Variants in CSMD1 observed in about 807,000 individuals in gnomAD.
The protein encoded by CSMD1 is CUB and sushi domain-containing protein 1.
A neutral mutation model predicts 417.5 loss-of-function variants in CSMD1; 213 were observed. That is an observed-to-expected ratio of 0.51 (90% confidence interval 0.46 to 0.57). The LOEUF (loss-of-function observed/expected upper bound fraction) is 0.57, where lower values mean the gene tolerates loss of function less well. Among genes scored for constraint, CSMD1 ranks in the 20% least tolerant of loss-of-function variants. The probability of loss-of-function intolerance (pLI) is 0.00; values close to 1 mark genes in which losing one functional copy is unlikely to be tolerated. For missense variants in CSMD1, 6,923 were observed against 4,529.7 expected (o/e 1.53, Z -15.17); for synonymous variants, 2,862 against 1,736.8 (o/e 1.65, Z -16.11).
intron 5 of CSMD1, among the ~76,000 whole-genome samples, chr8:3,792,377 G>T (rs143456126): frequency 1.7e-3 from 256 of 152,226 alleles, no homozygotes; most frequent in African/African-American, 5.9e-3. Flanking sequence ...CATTAATGTA[G>T]CCACTTCCTG....
In CSMD1 at chr8:3,731,787, C is replaced by T. The variant is rs1253196587; in HGVS notation, c.931+22143G>A. Among the ~76,000 whole-genome samples the T allele has an allele frequency of 2.6e-5, 4 of 152,082 alleles. No individual in the cohort carries two copies. In the South Asian group the frequency reaches 6.2e-4, roughly 24 times the overall value. ...ATATTAATGGTAACAGCATTAAGTG[C>T]TTATGTTTTGGACATGTGATGTTTC... is the stretch of plus-strand genomic sequence containing the variant. On this transcript the variant is annotated intron_variant, in intron 6 of 69. Coordinates refer to ENST00000635120, the MANE Select transcript of CSMD1 (RefSeq NM_033225.6).
intron 5 of CSMD1, among the ~76,000 whole-genome samples, chr8:3,796,406 G>GATATCTATCATGTAT (rs1800143035): frequency 1.4e-5 from 1 of 71,318 alleles, no homozygotes; most frequent in South Asian, 4.7e-4. Context: ...TATAGATATA[G>GATATCTATCATGTAT]ATATATATCT....
At chr8:3,476,171 T>A (rs1232745707) in intron 11 of CSMD1, among the ~76,000 whole-genome samples, 2 of 152,154 alleles carry the variant, frequency 1.3e-5, no homozygotes, top group African/African-American at 2.4e-5. Flanking sequence ...AGCGAGGCCT[T>A]GGCTCAACCA....
rs947208255 is a variant in CSMD1, at chr8:4,174,201, C to G, written c.416-142102G>C. Among the ~76,000 whole-genome samples the G allele has an allele frequency of 6.6e-5, 10 of 152,134 alleles. 1 individual carries two copies. Among genetic ancestry groups the G allele is most frequent in the African/African-American group, 2.2e-4 (9 of 41,422 alleles). On this transcript the variant is annotated intron_variant, in intron 3 of 69. Coordinates refer to ENST00000635120, the MANE Select transcript of CSMD1 (RefSeq NM_033225.6). ...TTAAACTACTGAGGAAAACCCAGAG[C>G]CTCAGCAGCTATGTGAGGACACCGT...
At chr8:3,978,217 GC>G (rs1052721402) in intron 5 of CSMD1, among the ~76,000 whole-genome samples, 2 of 152,158 alleles carry the variant, frequency 1.3e-5, no homozygotes, top group Non-Finnish European at 2.9e-5. Flanking sequence ...ACTGCTGTGT[GC>G]TAGGATTCCC....
chr8:3,766,800 G>A (rs997468968), intron 5 of CSMD1, among the ~76,000 whole-genome samples: 2 of 152,128 alleles, frequency 1.3e-5, no homozygotes, highest in South Asian at 4.1e-4. Context: ...CTTGGGATAA[G>A]AACAAGTCTT....
intron 3 of CSMD1, among the ~76,000 whole-genome samples, chr8:4,382,309 G>A (rs2128919324): frequency 6.6e-6 from 1 of 152,288 alleles, no homozygotes; most frequent in East Asian, 1.9e-4. Flanking sequence ...AAAAAAGAGA[G>A]GAGTTATATG....
chr8:4,503,369 C>G (rs1445521449), intron 2 of CSMD1, among the ~76,000 whole-genome samples: 1 of 152,092 alleles, frequency 6.6e-6, no homozygotes, highest in African/African-American at 2.4e-5. Context: ...CCATCATACT[C>G]AACTTTTGCT....
At chr8:3,226,907 G>A (rs937777948) in intron 27 of CSMD1, among the ~76,000 whole-genome samples, 3 of 150,364 alleles carry the variant, frequency 2.0e-5, no homozygotes, top group African/African-American at 7.3e-5. Context: ...AATCAGGAAA[G>A]AACAAATTCA....
chr8:3,824,409 G>T (rs1218881080), intron 5 of CSMD1, among the ~76,000 whole-genome samples: 2 of 152,146 alleles, frequency 1.3e-5, no homozygotes, highest in African/African-American at 4.8e-5. Context: ...CTCCCAATGG[G>T]AAAGATGAAT....
intron 11 of CSMD1, among the ~76,000 whole-genome samples, chr8:3,479,058 C>T (rs1035076126): frequency 3.3e-5 from 5 of 152,102 alleles, no homozygotes; most frequent in Non-Finnish European, 7.3e-5. Flanking sequence ...CTTCTGCCCC[C>T]TCAGCCAGCA....
intron 3 of CSMD1, among the ~76,000 whole-genome samples, chr8:4,039,752 T>G (rs551394366): frequency 1.4e-4 from 22 of 152,102 alleles, no homozygotes; most frequent in Non-Finnish European, 2.6e-4. Context: ...TAAATTGATG[T>G]GGGGGAAGTC....
At chr8:4,210,182 T>C (rs946943178) in intron 3 of CSMD1, among the ~76,000 whole-genome samples, 1 of 152,242 alleles carries the variant, frequency 6.6e-6, no homozygotes, top group South Asian at 2.1e-4. Context: ...TCAGCCCATC[T>C]GTGGGAGCTC....
chr8:4,734,985 T>A, intron 1 of CSMD1, among the ~76,000 whole-genome samples: 1 of 152,322 alleles, frequency 6.6e-6, no homozygotes, highest in Non-Finnish European at 1.5e-5. Context: ...ATGGATGTTA[T>A]AAGATGTTGC....
intron 50 of CSMD1, among the ~76,000 whole-genome samples, chr8:3,046,931 G>C (rs62490531): frequency 2.0e-5 from 3 of 152,022 alleles, no homozygotes; most frequent in Admixed American, 6.5e-5. Flanking sequence ...TCAAAGAGCC[G>C]CTCTGGGCCA....
intron 7 of CSMD1, among the ~76,000 whole-genome samples, chr8:3,689,344 T>G (rs2254768): frequency 0.14 from 21,427 of 152,142 alleles, 1,627 homozygotes; most frequent in African/African-American, 0.21. Context: ...AGTATTGTCC[T>G]CCCCTCATAC....
chr8:3,110,075 C>T, intron 43 of CSMD1, 83 bp downstream of exon 43: 1 of 1,124,824 alleles, frequency 8.9e-7, no homozygotes, highest in Non-Finnish European at 1.2e-6. Flanking sequence ...TAAATATGTG[C>T]CTTGTATATA....
At chr8:4,967,780 G>C (rs17071955) in intron 1 of CSMD1, among the ~76,000 whole-genome samples, 9,264 of 152,138 alleles carry the variant, frequency 0.061, 469 homozygotes, top group East Asian at 0.15. Flanking sequence ...TACGTAGCTA[G>C]AGAACTGTTA....
At chr8:4,734,415 C>T (rs1223689223) in intron 1 of CSMD1, among the ~76,000 whole-genome samples, 1 of 151,420 alleles carries the variant, frequency 6.6e-6, no homozygotes, top group Non-Finnish European at 1.5e-5. Flanking sequence ...TTTAGTGAGT[C>T]CCTGAAAAAA....
Sources: gnomAD v4.1 joint callset for allele counts (sites outside exome capture counted in the v4.1 genomes callset) on GRCh38, gnomAD v4.1.1 for gene constraint, MANE v1.5 for transcripts, NCBI Gene and HGNC (gene_info 2026-07-23, HGNC 2026-07-21) for gene names.